Variants in KCNC4 observed in about 807,000 individuals in gnomAD.
The protein encoded by KCNC4 is potassium voltage-gated channel subfamily C member 4.
KCNC4 carries 23 observed loss-of-function variants against 42.8 expected under a neutral mutation model. The observed-to-expected ratio is 0.54, with a 90% CI of 0.39 to 0.76. The LOEUF is 0.76. Among genes scored for constraint, KCNC4 ranks in the 30% least tolerant of loss-of-function variants. The pLI is 0.00. For missense variants in KCNC4, 751 were observed against 898.2 expected (o/e 0.84, Z 2.10); for synonymous variants, 422 against 393.5 (o/e 1.07, Z -0.86).
chr1:110,243,158 T>G (rs1659067048), exon 4 of KCNC4: 1 of 152,268 alleles, frequency 6.6e-6, no homozygotes, highest in Non-Finnish European at 1.5e-5. Flanking sequence ...TGACAGACCC[T>G]GCCTGGCAGG....
At chr1:110,262,602 C>T (rs1224383180) in intron 1 of KCNC4, among the ~76,000 whole-genome samples, 1 of 152,176 alleles carries the variant, frequency 6.6e-6, no homozygotes, top group African/African-American at 2.4e-5. Flanking sequence ...ACTCTGGCTC[C>T]CAGAAGCCCA....
chr1:110,233,315 G>T lies in KCNC4; in HGVS notation c.*343G>T. On this transcript the variant is annotated 3_prime_UTR_variant, in exon 4 of 4. Coordinates refer to ENST00000438661, the MANE Select transcript of KCNC4 (RefSeq NM_001039574.3). ...CCCAGAGTTTCCCGTCCCCTTCACT[G>T]ATTTCTGTTGTTTCTGCTGACTGTG... 2.7e-6 allele frequency: 1 copy of T among 370,876 alleles called. No homozygotes were observed. The highest frequency in any genetic ancestry group is 3.7e-5 in the South Asian group (1 of 26,814). 23.0% of individuals were successfully genotyped at this position (370,876 alleles called of 1,614,324 possible). A position where few individuals can be genotyped will look rare whatever the true frequency, so the allele number is the denominator to read the frequency against.
chr1:110,244,804 G>A (rs1468703702), exon 4 of KCNC4: 1 of 152,144 alleles, frequency 6.6e-6, no homozygotes, highest in Non-Finnish European at 1.5e-5. Context: ...GGAATTAGGG[G>A]GCCCGAACTC....
intron 1 of KCNC4, among the ~76,000 whole-genome samples, chr1:110,273,844 G>C (rs1358266399): frequency 6.6e-6 from 1 of 152,190 alleles, no homozygotes; most frequent in Non-Finnish European, 1.5e-5. Flanking sequence ...TGGATGCCCT[G>C]AGTTTTCTGA....
At position 110,233,165 on chromosome 1, in the gene KCNC4, A is replaced by G. The variant is rs760672020; in HGVS notation, c.*193A>G. 526 of 633,478 alleles carry G rather than the reference A, an allele frequency of 8.3e-4. No homozygotes were observed. Among genetic ancestry groups the G allele is most frequent in the Non-Finnish European group, 9.7e-4 (351 of 362,744 alleles). 39.2% of individuals were successfully genotyped at this position (633,478 alleles called of 1,614,324 possible). On this transcript the variant is annotated 3_prime_UTR_variant, in exon 4 of 4. Transcript: ENST00000438661. ...GGTCTGATGTTCTGTTCCATTGTACATCGAAGAGATATATATGCACATATA... is the reference window on the plus strand; with the variant it reads ...GGTCTGATGTTCTGTTCCATTGTACGTCGAAGAGATATATATGCACATATA...
At position 110,223,103 on chromosome 1, in the gene KCNC4, G is replaced by A. The variant is rs757657925; in HGVS notation, c.818G>A (p.Arg273Gln). 17 of 1,614,072 alleles carry A rather than the reference G, an allele frequency of 1.1e-5. No homozygotes were observed. The highest frequency in any genetic ancestry group is 4.5e-5 in the East Asian group (2 of 44,886). ...AACATCACCAGCGTGCACTTCCGGC[G>A]GGAGGTAGAGACAGAGCCCATCCTG... The part of the protein sequence containing the change: ...VGNITSVHFR[R>Q]EVETEPILTY... Residue 273 changes from arginine to glutamine, a missense_variant, in exon 2 of 4, where the codon CGG (arginine) becomes CAG (glutamine). Arg to Gln is a conservative substitution (Grantham distance 43). Around this residue, in one of 4 missense-constraint regions of KCNC4, gnomAD observed 181 missense variants for 167.3 expected, o/e 1.08. Transcript: ENST00000438661. The surrounding 1 kb of genome is among the most constrained non-coding windows in gnomAD (Gnocchi z 7.5).
intron 1 of KCNC4, among the ~76,000 whole-genome samples, chr1:110,213,033 T>G (rs1308136162): frequency 6.6e-6 from 1 of 150,960 alleles, no homozygotes; most frequent in African/African-American, 2.4e-5. Context: ...TTGAAATGGG[T>G]GTATGAGGGA....
exon 4 of KCNC4, chr1:110,244,837 C>G (rs1387924903): frequency 6.6e-6 from 1 of 152,200 alleles, no homozygotes; most frequent in Non-Finnish European, 1.5e-5. Context: ...CACCATGGGC[C>G]GTGCAGTCTT....
chr1:110,240,804 C>T (rs1346096789), exon 4 of KCNC4: 1 of 152,542 alleles, frequency 6.6e-6, no homozygotes, highest in African/African-American at 2.4e-5. Context: ...CCTGGGGCCT[C>T]CCTCCTAGTT....
At chr1:110,232,281 C>T in intron 3 of KCNC4, 3 of 1,613,906 alleles carry the variant, frequency 1.9e-6, no homozygotes, top group Middle Eastern at 1.6e-4. Context: ...TGCCCTCCAA[C>T]TGCTGGGACT....
At chr1:110,253,424 C>A (rs1659277064), downstream of KCNC4, among the ~76,000 whole-genome samples, 1 of 152,242 alleles carries the variant, frequency 6.6e-6, no homozygotes, top group South Asian at 2.1e-4. Context: ...CATGCATCTG[C>A]CACAGCATCT....
At chr1:110,215,027 G>A (rs1210438417) in intron 1 of KCNC4, among the ~76,000 whole-genome samples, 2 of 152,250 alleles carry the variant, frequency 1.3e-5, no homozygotes, top group South Asian at 2.1e-4. Context: ...CTCCCTGGAA[G>A]GGCCCGCAGC....
intron 1 of KCNC4, among the ~76,000 whole-genome samples, chr1:110,270,149 C>A (rs748528620): frequency 3.3e-5 from 5 of 152,184 alleles, no homozygotes; most frequent in Non-Finnish European, 7.3e-5. Flanking sequence ...AACTGGCTTC[C>A]CTTGGTCATG....
rs941541102 is a variant in KCNC4 at position 110,233,453 on chromosome 1, A to G, written c.*481A>G. 1 of 192,990 alleles carries G rather than the reference A, an allele frequency of 5.2e-6. No homozygotes were observed. Among genetic ancestry groups the G allele is most frequent in the Admixed American group, 5.4e-5 (1 of 18,548 alleles). The allele number at this position is 192,990 out of a possible 1,614,324, so 12.0% of individuals were successfully genotyped here. ...GTCAGCAAGTAACCTGGTGAAGTCT[A>G]TTGAAGGCCAGACTGCCCCCTAGGG... On this transcript the variant is annotated 3_prime_UTR_variant, in exon 4 of 4. Coordinates refer to ENST00000438661, the MANE Select transcript of KCNC4 (RefSeq NM_001039574.3).
chr1:110,211,034 G>T lies in KCNC4; in HGVS notation c.-466G>T, dbSNP rs1032555087. Reference sequence around the variant, plus strand: ...GTTGCTGCTGCGCTGCCGCCGCTGCGGGGAAGCCGGCTATTCCGGGGCTTG... The same window carrying T: ...GTTGCTGCTGCGCTGCCGCCGCTGCTGGGAAGCCGGCTATTCCGGGGCTTG... On this transcript the variant is annotated 5_prime_UTR_variant, in exon 1 of 4. Transcript: ENST00000438661. The surrounding 1 kb of genome is among the most constrained non-coding windows in gnomAD (Gnocchi z 6.5). Among the ~76,000 whole-genome samples, 1 of 152,224 alleles carries T rather than the reference G, an allele frequency of 6.6e-6. No individual in the cohort carries two copies. Among genetic ancestry groups the T allele is most frequent in the African/African-American group, 2.4e-5 (1 of 41,464 alleles).
At chr1:110,270,496 A>T (rs1659617319) in intron 1 of KCNC4, among the ~76,000 whole-genome samples, 1 of 152,116 alleles carries the variant, frequency 6.6e-6, no homozygotes, top group African/African-American at 2.4e-5. Flanking sequence ...CAGCCTGATG[A>T]CCCTGTCCAC....
rs898810500 is a variant in KCNC4, at chr1:110,226,071, G to T, written c.1712G>T (p.Arg571Leu). The change falls in exon 3 of 4, where the codon CGC becomes CTC. Residue 571 changes from arginine to leucine, a missense_variant. Around this residue, in one of 4 missense-constraint regions of KCNC4, gnomAD observed 202 missense variants for 181.5 expected, o/e 1.11. Coordinates refer to ENST00000438661, the MANE Select transcript of KCNC4 (RefSeq NM_001039574.3). ...PLASSPTPEE[R>L]RALRRSTTRD... ...GCCTCCTCCCCGACCCCCGAGGAGC[G>T]CCGGGCCCTGCGACGCTCCACCACT... The T allele has an allele frequency of 6.2e-7, 1 of 1,613,884 alleles. No homozygotes were observed. The highest frequency in any genetic ancestry group is 8.5e-7 in the Non-Finnish European group (1 of 1,179,960).
intron 1 of KCNC4, among the ~76,000 whole-genome samples, chr1:110,214,286 C>T (rs1557852194): frequency 1.3e-5 from 2 of 152,146 alleles, no homozygotes; most frequent in Non-Finnish European, 2.9e-5. Flanking sequence ...AGACATTTAA[C>T]TAATAGCAGA....
intron 3 of KCNC4, chr1:110,232,238 G>A (rs975469338): frequency 3.7e-6 from 6 of 1,613,970 alleles, no homozygotes; most frequent in Admixed American, 1.7e-5. Context: ...CGTCCTCCGT[G>A]ACCTTCCCCT....
Sources: gnomAD v4.1 joint callset for allele counts (sites outside exome capture counted in the v4.1 genomes callset) on GRCh38, gnomAD v4.1.1 for gene constraint, gnomAD v4.1.1 regional missense constraint, Gnocchi (gnomAD v3.1) non-coding constraint, MANE v1.5 for transcripts, NCBI Gene and HGNC (gene_info 2026-07-23, HGNC 2026-07-21) for gene names.